Variants in SMURF2 observed in about 807,000 individuals in gnomAD.
SMURF2 encodes the protein E3 ubiquitin-protein ligase SMURF2.
A neutral mutation model predicts 109.6 loss-of-function variants in SMURF2; 48 were observed. That is an observed-to-expected ratio of 0.44 (90% confidence interval 0.35 to 0.56). SMURF2 has a LOEUF of 0.56. Ranked by LOEUF, SMURF2 falls within the 20% of genes least tolerant of loss-of-function variation. SMURF2 has a pLI of 0.01. For missense variants in SMURF2, 575 were observed against 909.0 expected (o/e 0.63, Z 4.72); for synonymous variants, 288 against 317.1 (o/e 0.91, Z 0.97).
chr17:64,548,181 A>T (rs1481003040), intron 16 of SMURF2, among the ~76,000 whole-genome samples: 1 of 152,218 alleles, frequency 6.6e-6, no homozygotes, highest in Non-Finnish European at 1.5e-5. Context: ...TTGAGACCCA[A>T]AGAGTAAATA....
chr17:64,604,759 CA>C (rs782415229), intron 2 of SMURF2, among the ~76,000 whole-genome samples: 8 of 152,026 alleles, frequency 5.3e-5, no homozygotes, highest in Non-Finnish European at 1.0e-4. Context: ...GCCTGACCAA[CA>C]TGGTGAAACT....
chr17:64,652,058 A>T (rs1970646659), intron 1 of SMURF2, among the ~76,000 whole-genome samples: 1 of 152,236 alleles, frequency 6.6e-6, no homozygotes, highest in Admixed American at 6.5e-5. Flanking sequence ...CATGACTGAT[A>T]GCTGGTAAAC....
In SMURF2 at chr17:64,544,027, A is replaced by G. The variant is rs1396027415; in HGVS notation, c.*1821T>C. ...GCTTGTGGCAGTTGAATTTGGCCAAATGAAATACATTAAAATACTTAAAAA... is the reference window on the plus strand; with the variant it reads ...GCTTGTGGCAGTTGAATTTGGCCAAGTGAAATACATTAAAATACTTAAAAA... On this transcript the variant is annotated 3_prime_UTR_variant, in exon 19 of 19. Coordinates refer to ENST00000262435, the MANE Select transcript of SMURF2 (RefSeq NM_022739.4). 5 of 152,266 alleles carry G rather than the reference A, an allele frequency of 3.3e-5. No individual in the cohort carries two copies. Among genetic ancestry groups the G allele is most frequent in the African/African-American group, 1.2e-4 (5 of 41,470 alleles). The allele number at this position is 152,266 out of a possible 1,614,324, so 9.4% of individuals were successfully genotyped here. A position where few individuals can be genotyped will look rare whatever the true frequency, so the allele number is the denominator to read the frequency against.
Position 64,633,945 on chromosome 17 carries a change from T to C in SMURF2, c.53-27305A>G, listed in dbSNP as rs576387464. 1.2e-4 allele frequency among the ~76,000 whole-genome samples: 19 copies of C among 152,208 alleles called. No individual in the cohort carries two copies. In the South Asian group the frequency reaches 3.7e-3, roughly 30 times the overall value. On this transcript the variant is annotated intron_variant, in intron 1 of 18. Coordinates refer to ENST00000262435, the MANE Select transcript of SMURF2 (RefSeq NM_022739.4). The stretch of plus-strand genomic sequence containing the variant: ...GCCGAGGTGGGCAGATCACCTGAGG[T>C]CAGGAGCTTGAGACCAGCATGGCCA...
At chr17:64,568,170 A>G (rs1969342974) in intron 10 of SMURF2, among the ~76,000 whole-genome samples, 1 of 151,588 alleles carries the variant, frequency 6.6e-6, no homozygotes, top group Admixed American at 6.6e-5. Context: ...TTGTATTTTT[A>G]GTAGAGACGG....
chr17:64,660,452 A>T (rs1309836966), intron 1 of SMURF2, among the ~76,000 whole-genome samples: 6 of 152,240 alleles, frequency 3.9e-5, no homozygotes, highest in African/African-American at 9.6e-5. Flanking sequence ...AGAATCACTC[A>T]GTTAATGATT....
chr17:64,660,555 T>TA (rs1262347215), intron 1 of SMURF2, among the ~76,000 whole-genome samples: 1 of 152,224 alleles, frequency 6.6e-6, no homozygotes, highest in East Asian at 1.9e-4. Flanking sequence ...AATTCTCAAA[T>TA]ACCAAATTCA....
At chr17:64,566,073 G>A (rs994546239) in intron 10 of SMURF2, among the ~76,000 whole-genome samples, 13 of 151,928 alleles carry the variant, frequency 8.6e-5, no homozygotes, top group African/African-American at 2.9e-4. Flanking sequence ...CATAGACATA[G>A]ATTCAAAACT....
At chr17:64,589,802 C>T (rs1969724396) in intron 5 of SMURF2, among the ~76,000 whole-genome samples, 1 of 151,904 alleles carries the variant, frequency 6.6e-6, no homozygotes, top group African/African-American at 2.4e-5. Context: ...TTATGTATTA[C>T]AATGTAATAA....
intron 1 of SMURF2, among the ~76,000 whole-genome samples, chr17:64,647,179 T>C (rs568053543): frequency 1.3e-5 from 2 of 152,194 alleles, no homozygotes; most frequent in Admixed American, 6.5e-5. Context: ...TGAATGAATA[T>C]GTAAATATGA....
chr17:64,593,529 T>A lies in SMURF2; in HGVS notation c.245A>T (p.His82Leu), dbSNP rs1555687858. Reference sequence around the variant, plus strand: ...ACCTTGTTTCTTATGGATCTTCTTGTGATTCCATACACTGATCGTAACTGA... The same window carrying A: ...ACCTTGTTTCTTATGGATCTTCTTGAGATTCCATACACTGATCGTAACTGA... ...SDSVTISVWN[H>L]KKIHKKQGAG... Residue 82 changes from histidine (H) to leucine (L), a missense_variant, in exon 4 of 19, where the codon CAC (histidine) becomes CTC (leucine). Around this residue, in one of 5 missense-constraint regions of SMURF2, gnomAD observed 33 missense variants for 66.0 expected, o/e 0.50. Coordinates refer to ENST00000262435, the MANE Select transcript of SMURF2 (RefSeq NM_022739.4). 1.2e-6 allele frequency: 2 copies of A among 1,606,304 alleles called. No individual in the cohort carries two copies. Among genetic ancestry groups the A allele is most frequent in the Non-Finnish European group, 1.7e-6 (2 of 1,174,964 alleles).
At chr17:64,656,548 T>A (rs1970707972) in intron 1 of SMURF2, among the ~76,000 whole-genome samples, 1 of 152,166 alleles carries the variant, frequency 6.6e-6, no homozygotes, top group Non-Finnish European at 1.5e-5. Flanking sequence ...CTGCTCTAAA[T>A]AGGTCCAACT....
At chr17:64,560,165 T>C (rs1969191658) in intron 12 of SMURF2, among the ~76,000 whole-genome samples, 1 of 151,762 alleles carries the variant, frequency 6.6e-6, no homozygotes, top group Non-Finnish European at 1.5e-5. Flanking sequence ...CAGTGAGCCA[T>C]GATCACACCA....
At chr17:64,620,965 A>AT (rs1405284845) in intron 1 of SMURF2, among the ~76,000 whole-genome samples, 1 of 152,182 alleles carries the variant, frequency 6.6e-6, no homozygotes, top group African/African-American at 2.4e-5. Flanking sequence ...TTAACTATTC[A>AT]TAAGTACTCT....
rs573058914 is a variant in SMURF2, at chr17:64,550,507, C to G, written c.1869+1077G>C. On this transcript the variant is annotated intron_variant, in intron 16 of 18. Transcript: ENST00000262435. ...TCTAAAGACATTTAGAGGCCAGGTG[C>G]GGTGGCTCACACCTGTAATCCCAGC... 1.5e-4 allele frequency among the ~76,000 whole-genome samples: 23 copies of G among 152,214 alleles called. No individual in the cohort carries two copies. The East Asian group carries it at 4.4e-3, about 29-fold the overall frequency.
At chr17:64,549,633 G>C (rs1460748181) in intron 16 of SMURF2, among the ~76,000 whole-genome samples, 2 of 152,142 alleles carry the variant, frequency 1.3e-5, no homozygotes, top group Non-Finnish European at 2.9e-5. Flanking sequence ...GTGCACACCT[G>C]AAGTCCCAGT....
intron 1 of SMURF2, 24 bp downstream of exon 1, chr17:64,661,790 CCCCGCGGCTGCCCAG>C: frequency 1.6e-6 from 2 of 1,215,896 alleles, no homozygotes; most frequent in Non-Finnish European, 2.0e-6. Context: ...AGCTCGCCCA[CCCCGCGGCTGCCCAG>C]CCCGGCCCGC....
At chr17:64,616,887 G>A (rs1970130454) in intron 1 of SMURF2, among the ~76,000 whole-genome samples, 1 of 150,660 alleles carries the variant, frequency 6.6e-6, no homozygotes, top group Non-Finnish European at 1.5e-5. Context: ...TGGGCAACAG[G>A]GCAAAACCCC....
At chr17:64,582,100 T>C (rs1445976177) in intron 7 of SMURF2, among the ~76,000 whole-genome samples, 3 of 152,172 alleles carry the variant, frequency 2.0e-5, no homozygotes, top group Admixed American at 1.3e-4. Flanking sequence ...CAAGTACATA[T>C]TCATTTGTGC....
Sources: allele counts gnomAD v4.1 joint callset (sites outside exome capture counted in the v4.1 genomes callset), GRCh38; gene constraint gnomAD v4.1.1; regional missense constraint gnomAD v4.1.1; transcripts MANE v1.5; gene names NCBI Gene and HGNC (gene_info 2026-07-23, HGNC 2026-07-21).